Variants in FBXO24 observed in about 807,000 individuals in gnomAD.
FBXO24 encodes F-box only protein 24.
In FBXO24, 30 loss-of-function variants were observed where a neutral mutation model predicts 63.5. The ratio of observed to expected loss-of-function variants is 0.47; its 90% confidence interval spans 0.35 to 0.64. FBXO24 has a LOEUF of 0.64. Among genes scored for constraint, FBXO24 ranks in the 30% least tolerant of loss-of-function variants. The probability of loss-of-function intolerance (pLI) is 0.00; values close to 1 mark genes in which losing one functional copy is unlikely to be tolerated. For synonymous variants in FBXO24, 300 were observed against 305.0 expected, an observed-to-expected ratio of 0.98 and a Z score of 0.17; for missense variants, 624 against 763.4, an observed-to-expected ratio of 0.82 and a Z score of 2.15.
chr7:100,593,557 G>A (rs958055081), intron 5 of FBXO24, among the ~76,000 whole-genome samples: 1 of 151,612 alleles, frequency 6.6e-6, no homozygotes, highest in African/African-American at 2.4e-5. Flanking sequence ...GAACCCAGGA[G>A]GCAGAGGTTG....
Position 100,595,203 on chromosome 7 carries a change from GCTCT to G in FBXO24, c.1058_1061del (p.Leu353HisfsTer36), listed in dbSNP as rs1376915192. The stretch of plus-strand genomic sequence containing the variant: ...CCCCCTGGACCAGCAGATGCCGCTT[GCTCT>G]CTCACTGCCTGCCAAGGTAGGCTCC... On this transcript the variant is annotated frameshift_variant, in exon 7 of 10. Transcript: ENST00000241071. LOFTEE classifies it high-confidence loss of function. The G allele has an allele frequency of 6.2e-7, 1 of 1,614,124 alleles. No homozygotes were observed. Among genetic ancestry groups the G allele is most frequent in the South Asian group, 1.1e-5 (1 of 91,080 alleles).
At position 100,595,298 on chromosome 7, in the gene FBXO24, A is replaced by G. The variant is rs947398576; in HGVS notation, c.1074+75A>G. The G allele has an allele frequency of 1.9e-6, 3 of 1,602,550 alleles. No individual in the cohort carries two copies. The African/African-American group carries it at 4.0e-5, about 21-fold the overall frequency. On this transcript the variant is annotated intron_variant, in intron 7 of 9. Transcript: ENST00000241071. ...TTGGAAGGTCTGAAGTATTATAGGA[A>G]TCAGATTATTGATCCAGAGGGGCAG...
chr7:100,587,740 C>CG (rs1490614284), intron 1 of FBXO24, among the ~76,000 whole-genome samples: 1 of 151,660 alleles, frequency 6.6e-6, no homozygotes, highest in African/African-American at 2.4e-5. Context: ...GCTGGGACCA[C>CG]GGGCGGCACC....
rs371650742 is a variant in FBXO24, at chr7:100,594,914, G to A, written c.953-188G>A. ...CAGTGAACTGAGATCGTGCCACTTC[G>A]CTCCAGCCTGGGTGACCGAGGGAGA... is the stretch of plus-strand genomic sequence containing the variant. On this transcript the variant is annotated intron_variant, in intron 6 of 9. Coordinates refer to ENST00000241071, the MANE Select transcript of FBXO24 (RefSeq NM_033506.3). This position sits in a 1 kb window ranked among gnomAD's most constrained non-coding sequence, Gnocchi z 4.2. Among the ~76,000 whole-genome samples, 5 of 152,066 alleles carry A rather than the reference G, an allele frequency of 3.3e-5. No individual in the cohort carries two copies. In the South Asian group the frequency reaches 8.3e-4, roughly 25 times the overall value.
intron 8 of FBXO24, 44 bp from the exon 9 acceptor site, chr7:100,599,987 C>CCCAA: frequency 7.3e-7 from 1 of 1,364,922 alleles, no homozygotes; most frequent in Non-Finnish European, 1.0e-6. Context: ...GCCCCCCCGT[C>CCCAA]CCTTGGTGCT....
Position 100,586,479 on chromosome 7 carries a change from C to G in FBXO24, c.-147C>G, listed in dbSNP as rs548738308. On this transcript the variant is annotated 5_prime_UTR_variant, in exon 1 of 10. Coordinates refer to ENST00000241071, the MANE Select transcript of FBXO24 (RefSeq NM_033506.3). ...CTAGCAGGAAAACGGGCCGAGGGAC[C>G]GCAAGCAGGGGGTGCCTAGTCCTCG... 32 of 826,904 alleles carry G rather than the reference C, an allele frequency of 3.9e-5. No homozygotes were observed. Among genetic ancestry groups the G allele is most frequent in the East Asian group, 1.6e-4 (6 of 37,736 alleles). The allele number at this position is 826,904 out of a possible 1,614,324, so 51.2% of individuals were successfully genotyped here. A position where few individuals can be genotyped will look rare whatever the true frequency, so the allele number is the denominator to read the frequency against.
chr7:100,586,536 G>A lies in FBXO24; in HGVS notation c.-90G>A. 1.5e-6 allele frequency: 2 copies of A among 1,359,998 alleles called. No homozygotes were observed. The highest frequency in any genetic ancestry group is 2.1e-6 in the Non-Finnish European group (2 of 952,634). The allele number at this position is 1,359,998 out of a possible 1,614,324, so 84.2% of individuals were successfully genotyped here. A position where few individuals can be genotyped will look rare whatever the true frequency, so the allele number is the denominator to read the frequency against. ...AAAGACCAATCGTAAGCCAGATACA[G>A]GCGAGTGACTGTCAAGAAGGCCAAT... On this transcript the variant is annotated 5_prime_UTR_variant, in exon 1 of 10. Transcript: ENST00000241071.
chr7:100,599,967 T>TGCCCCCC, intron 8 of FBXO24, 64 bp from the exon 9 acceptor site: 1 of 1,496,768 alleles, frequency 6.7e-7, no homozygotes, highest in Non-Finnish European at 9.1e-7. Context: ...GTCAACCTTT[T>TGCCCCCC]CCCACCCCAG....
chr7:100,600,960 G>A lies in FBXO24; in HGVS notation c.*61G>A. ...GTCCGGCCCCAGGCCAGGGACTAAGGAGCAATGACCATTGTGCACATGCGT... is the reference window on the plus strand; with the variant it reads ...GTCCGGCCCCAGGCCAGGGACTAAGAAGCAATGACCATTGTGCACATGCGT... On this transcript the variant is annotated 3_prime_UTR_variant, in exon 10 of 10. Transcript: ENST00000241071. The surrounding 1 kb of genome is among the most constrained non-coding windows in gnomAD (Gnocchi z 6.3). 1 of 1,561,414 alleles carries A rather than the reference G, an allele frequency of 6.4e-7. No homozygotes were observed. Among genetic ancestry groups the A allele is most frequent in the East Asian group, 2.2e-5 (1 of 44,600 alleles).
chr7:100,599,303 G>A (rs1292633579), intron 8 of FBXO24, among the ~76,000 whole-genome samples: 1 of 152,022 alleles, frequency 6.6e-6, no homozygotes, highest in Non-Finnish European at 1.5e-5. Flanking sequence ...GCTGGGCTCA[G>A]TGGTTCATGC....
intron 3 of FBXO24, among the ~76,000 whole-genome samples, chr7:100,591,430 T>G (rs1802022518): frequency 6.6e-6 from 1 of 152,148 alleles, no homozygotes; most frequent in African/African-American, 2.4e-5. Context: ...AAAGAACTGC[T>G]CACTAAGAAG....
chr7:100,586,851 GGCA>G, intron 1 of FBXO24, 187 bp downstream of exon 1: 1 of 689,548 alleles, frequency 1.5e-6, no homozygotes. Context: ...CAGCTGAAGG[GGCA>G]GCGGGGGGAC....
rs1286034272 is a variant in FBXO24, at chr7:100,595,179, C to G, written c.1030C>G (p.Pro344Ala). ...CTTTGGGACCCTTCAAGCCTTTGAC[C>G]CCCTGGACCAGCAGATGCCGCTTGC... ...DLFGTLQAFD[P>A]LDQQMPLALS... is the part of the protein sequence containing the mutation. The change falls in exon 7 of 10, where the codon CCC becomes GCC. Residue 344 changes from proline (P) to alanine (A), a missense_variant. Transcript: ENST00000241071. The G allele has an allele frequency of 6.2e-7, 1 of 1,614,004 alleles. No individual in the cohort carries two copies. The highest frequency in any genetic ancestry group is 8.5e-7 in the Non-Finnish European group (1 of 1,180,014).
chr7:100,593,797 CAAA>C (rs900435798), intron 5 of FBXO24, among the ~76,000 whole-genome samples: 1 of 56,580 alleles, frequency 1.8e-5, no homozygotes. Context: ...ACTCCATCTC[CAAA>C]AAAAAAAAAA....
rs199634308 is a variant in FBXO24, at chr7:100,599,582, GAA to G, written c.1207-447_1207-446del. 310 of 151,850 alleles carry G rather than the reference GAA, an allele frequency of 2.0e-3. 4 individuals carry two copies. In the East Asian group the frequency reaches 0.039, roughly 19 times the overall value. 9.4% of individuals were successfully genotyped at this position (151,850 alleles called of 1,614,324 possible). A position where few individuals can be genotyped will look rare whatever the true frequency, so the allele number is the denominator to read the frequency against. ...CTGTCTCAAACAAAAAAAAAAAAAA[GAA>G]AGAAAGAAAGAAAAGATAATACTAG... On this transcript the variant is annotated intron_variant, in intron 8 of 9. Transcript: ENST00000241071.
At chr7:100,589,652 A>C (rs1300141822) in intron 1 of FBXO24, 1 of 1,496,848 alleles carries the variant, frequency 6.7e-7, no homozygotes. Context: ...TGGTGTGGGA[A>C]AGCCAGCAGG....
At chr7:100,587,680 G>T (rs1801822583) in intron 1 of FBXO24, among the ~76,000 whole-genome samples, 1 of 145,982 alleles carries the variant, frequency 6.9e-6, no homozygotes, top group Admixed American at 7.0e-5. Context: ...GCTCACTGCA[G>T]CCTTGAATGC....
chr7:100,592,758 C>G, intron 4 of FBXO24, 25 bp from the exon 5 acceptor site: 1 of 1,595,796 alleles, frequency 6.3e-7, no homozygotes, highest in East Asian at 2.2e-5. Context: ...CTCTAGATCC[C>G]AGACGCCCTC....
intron 1 of FBXO24, among the ~76,000 whole-genome samples, chr7:100,588,681 C>T (rs1801864133): frequency 6.6e-6 from 1 of 152,070 alleles, no homozygotes; most frequent in Admixed American, 6.5e-5. Context: ...ATAAATGTCA[C>T]CCCACATAAG....
Sources: gnomAD v4.1 joint callset for allele counts (sites outside exome capture counted in the v4.1 genomes callset) on GRCh38, gnomAD v4.1.1 for gene constraint, Gnocchi (gnomAD v3.1) non-coding constraint, MANE v1.5 for transcripts, NCBI Gene and HGNC (gene_info 2026-07-23, HGNC 2026-07-21) for gene names.